Variants in WASHC4 observed in about 807,000 individuals in gnomAD.
The protein encoded by WASHC4 is WASH complex subunit 7.
In WASHC4, 86 loss-of-function variants were observed where a neutral mutation model predicts 166.6. That is an observed-to-expected ratio of 0.52 (90% CI 0.43 to 0.62). The LOEUF (loss-of-function observed/expected upper bound fraction) is 0.62. Ranked by LOEUF, WASHC4 falls within the 20% of genes least tolerant of loss-of-function variation. WASHC4 has a pLI of 0.00. For synonymous variants in WASHC4, 446 were observed against 451.6 expected (o/e 0.99, Z 0.16); for missense variants, 1,262 against 1,382.4 (o/e 0.91, Z 1.38).
chr12:105,147,514 C>A (rs184004547), intron 24 of WASHC4: 2 of 709,648 alleles, frequency 2.8e-6, no homozygotes, highest in African/African-American at 3.8e-5. Flanking sequence ...TAGTAATTTA[C>A]TTAATGTTAT....
At chr12:105,124,999 A>C (rs1298075249) in intron 10 of WASHC4, among the ~76,000 whole-genome samples, 1 of 152,258 alleles carries the variant, frequency 6.6e-6, no homozygotes, top group Non-Finnish European at 1.5e-5. Flanking sequence ...TAGTTATATC[A>C]GACAGCACAG....
intron 13 of WASHC4, among the ~76,000 whole-genome samples, chr12:105,130,366 A>C (rs1446931518): frequency 6.6e-6 from 1 of 152,240 alleles, no homozygotes; most frequent in African/African-American, 2.4e-5. Flanking sequence ...GATAACTGTC[A>C]GTCCAAGATC....
intron 29 of WASHC4, 27 bp downstream of exon 29, chr12:105,160,175 AT>A (rs567393256): frequency 3.4e-4 from 526 of 1,557,512 alleles, no homozygotes; most frequent in Non-Finnish European, 3.9e-4. Context: ...CCTAAAATGA[AT>A]TTTTTTTTTA....
chr12:105,130,173 T>G (rs1720510328), intron 13 of WASHC4, among the ~76,000 whole-genome samples: 1 of 152,178 alleles, frequency 6.6e-6, no homozygotes, highest in South Asian at 2.1e-4. Context: ...TATAAACCAT[T>G]TTTATCCCAT....
intron 8 of WASHC4, 127 bp downstream of exon 8, chr12:105,120,724 T>A: frequency 1.6e-6 from 1 of 643,634 alleles, no homozygotes; most frequent in Non-Finnish European, 2.8e-6. Context: ...GTGTGTGTGT[T>A]TGTGTGTGTT....
intron 10 of WASHC4, among the ~76,000 whole-genome samples, chr12:105,125,053 G>T (rs549437890): frequency 1.3e-5 from 2 of 152,160 alleles, no homozygotes; most frequent in African/African-American, 2.4e-5. Flanking sequence ...GTTGGAGAGC[G>T]CTGCTTTAAG....
At chr12:105,155,973 G>A (rs142889950) in intron 26 of WASHC4, among the ~76,000 whole-genome samples, 1 of 152,324 alleles carries the variant, frequency 6.6e-6, no homozygotes, top group Non-Finnish European at 1.5e-5. Context: ...GGAGGCCATT[G>A]CATATTGCAG....
chr12:105,110,944 GTGTA>G (rs1252620914), intron 1 of WASHC4, among the ~76,000 whole-genome samples, 177 bp from the exon 2 acceptor site: 19 of 152,086 alleles, frequency 1.2e-4, no homozygotes, highest in Non-Finnish European at 1.5e-5. Flanking sequence ...AAATTATTTC[GTGTA>G]TAGAGAAGAT....
At chr12:105,143,300 A>G (rs1479217349) in intron 20 of WASHC4, 57 bp downstream of exon 20, 7 of 1,001,108 alleles carry the variant, frequency 7.0e-6, no homozygotes, top group South Asian at 2.6e-5. Flanking sequence ...TAGTGTTTGG[A>G]AAAAAAATGT....
chr12:105,124,334 G>GT (rs1881069189), intron 10 of WASHC4, among the ~76,000 whole-genome samples: 1 of 151,928 alleles, frequency 6.6e-6, no homozygotes, highest in African/African-American at 2.4e-5. Context: ...GGTCAGGCTG[G>GT]TCTTGAACTC....
chr12:105,167,163 T>A lies in WASHC4; in HGVS notation c.*232T>A. On this transcript the variant is annotated 3_prime_UTR_variant, in exon 33 of 33. Transcript: ENST00000332180. ...TTGGATTTTTGCCTGGACTTGAGGGTACAAGATGTTTCTATTTGAAGTGAA... is the reference window on the plus strand; with the variant it reads ...TTGGATTTTTGCCTGGACTTGAGGGAACAAGATGTTTCTATTTGAAGTGAA... 1 of 485,324 alleles carries A rather than the reference T, an allele frequency of 2.1e-6. No homozygotes were observed. Among genetic ancestry groups the A allele is most frequent in the Non-Finnish European group, 3.7e-6 (1 of 269,356 alleles). The allele number at this position is 485,324 out of a possible 1,614,324, so 30.1% of individuals were successfully genotyped here.
intron 14 of WASHC4, among the ~76,000 whole-genome samples, chr12:105,134,950 A>G (rs1882182771): frequency 1.3e-5 from 2 of 150,748 alleles, no homozygotes; most frequent in African/African-American, 4.9e-5. Context: ...CCTCTCTATT[A>G]GTTTAATTCT....
intron 15 of WASHC4, among the ~76,000 whole-genome samples, chr12:105,139,971 C>A (rs557440841): frequency 6.6e-6 from 1 of 151,770 alleles, no homozygotes; most frequent in African/African-American, 2.4e-5. Flanking sequence ...TCAACCTCCG[C>A]CTCCCAGGTT....
intron 1 of WASHC4, among the ~76,000 whole-genome samples, chr12:105,108,710 T>C (rs886929602): frequency 4.6e-5 from 7 of 152,126 alleles, no homozygotes; most frequent in African/African-American, 1.7e-4. Flanking sequence ...GTAAGTGATC[T>C]AAGAGAGATT....
At position 105,127,908 on chromosome 12, in the gene WASHC4, G is replaced by C. The variant is rs377407976; in HGVS notation, c.1199+619G>C. On this transcript the variant is annotated intron_variant, in intron 13 of 32. Coordinates refer to ENST00000332180, the MANE Select transcript of WASHC4 (RefSeq NM_015275.3). ...TAAATTTTCAAATATACGTAAAGTA[G>C]AGAAAATAGTATAAAGAGCCCCTAC... Among the ~76,000 whole-genome samples, 353 of 152,012 alleles carry C rather than the reference G, an allele frequency of 2.3e-3. 3 individuals are homozygous for C. The highest frequency in any genetic ancestry group is 8.1e-3 in the African/African-American group (334 of 41,444).
Position 105,120,556 on chromosome 12 carries a change from A to T in WASHC4, c.520A>T (p.Ile174Phe). ...QLAALYISNK[I>F]APKIIETTGV... Reference sequence around the variant, plus strand: ...AACTTGGTTGTTATTTTATTATAGGATTGCACCCAAAATTATAGAGACAAC... The same window carrying T: ...AACTTGGTTGTTATTTTATTATAGGTTTGCACCCAAAATTATAGAGACAAC... Residue 174 changes from isoleucine to phenylalanine, a missense_variant and splice_region_variant, in exon 8 of 33, where the codon ATT (isoleucine) becomes TTT (phenylalanine). By Grantham distance (21) the Ile-to-Phe change is conservative. Transcript: ENST00000332180. The T allele has an allele frequency of 6.3e-7, 1 of 1,593,598 alleles. No individual in the cohort carries two copies. Among genetic ancestry groups the T allele is most frequent in the Non-Finnish European group, 8.6e-7 (1 of 1,161,508 alleles).
At chr12:105,113,997 A>G (rs1319872678) in intron 2 of WASHC4, among the ~76,000 whole-genome samples, 2 of 151,990 alleles carry the variant, frequency 1.3e-5, no homozygotes, top group East Asian at 1.9e-4. Flanking sequence ...CTTATGCTCC[A>G]TAGGACAAGT....
At chr12:105,124,418 A>G (rs1196830) in intron 10 of WASHC4, among the ~76,000 whole-genome samples, 94,855 of 151,730 alleles carry the variant, frequency 0.63, 29,726 homozygotes, top group South Asian at 0.76. Flanking sequence ...AACTGAACCT[A>G]TGGTTTCTGT....
chr12:105,137,414 T>A (rs1484922580), intron 14 of WASHC4, among the ~76,000 whole-genome samples: 1 of 152,194 alleles, frequency 6.6e-6, no homozygotes, highest in African/African-American at 2.4e-5. Flanking sequence ...CAAAAATTTC[T>A]TTGCCTATCT....
Sources: gnomAD v4.1 joint callset for allele counts (sites outside exome capture counted in the v4.1 genomes callset) on GRCh38, gnomAD v4.1.1 for gene constraint, MANE v1.5 for transcripts, NCBI Gene and HGNC (gene_info 2026-07-23, HGNC 2026-07-21) for gene names.